The following NUGGC variants were observed in gnomAD, a reference collection of about 807,000 sequenced individuals.
The protein encoded by NUGGC is nuclear GTPase, germinal center associated.
In NUGGC, 58 loss-of-function variants were observed where a neutral mutation model predicts 92.6. The ratio of observed to expected loss-of-function variants is 0.63; its 90% confidence interval spans 0.51 to 0.78. The LOEUF is 0.78. NUGGC is among the 30% of genes least tolerant of loss of function. NUGGC has a pLI of 0.00. For synonymous variants in NUGGC, 376 were observed against 366.4 expected, an observed-to-expected ratio of 1.03 and a Z score of -0.30; for missense variants, 925 against 964.6, an observed-to-expected ratio of 0.96 and a Z score of 0.54.
In NUGGC at chr8:28,057,844, C is replaced by T. The variant is rs144224126; in HGVS notation, c.1116+414G>A. Among the ~76,000 whole-genome samples the T allele has an allele frequency of 2.7e-3, 414 of 152,244 alleles. 1 individual carries two copies. Among genetic ancestry groups the T allele is most frequent in the Non-Finnish European group, 3.6e-3 (246 of 68,016 alleles). On this transcript the variant is annotated intron_variant, in intron 9 of 18. Coordinates refer to ENST00000413272, the MANE Select transcript of NUGGC (RefSeq NM_001010906.2). ...GAGCAGGGAGTTGGCACACTAATCTCTACATTGTTCAAGAGCCAACTGTAA... is the reference window on the plus strand; with the variant it reads ...GAGCAGGGAGTTGGCACACTAATCTTTACATTGTTCAAGAGCCAACTGTAA...
At chr8:28,030,561 T>G (rs1809391946) in intron 15 of NUGGC, 143 bp from the exon 16 acceptor site, 1 of 639,378 alleles carries the variant, frequency 1.6e-6, no homozygotes, top group East Asian at 2.7e-5. Context: ...ACAACTAGGC[T>G]GTGAGCTTCT....
At chr8:28,031,669 T>C (rs1225517050) in intron 14 of NUGGC, among the ~76,000 whole-genome samples, 1 of 152,216 alleles carries the variant, frequency 6.6e-6, no homozygotes, top group African/African-American at 2.4e-5. Context: ...GAGCCATGCT[T>C]GGAACACTGC....
intron 15 of NUGGC, 25 bp from the exon 16 acceptor site, chr8:28,030,443 C>T (rs1223463707): frequency 1.6e-5 from 21 of 1,297,746 alleles, no homozygotes; most frequent in African/African-American, 1.2e-4. Flanking sequence ...CAAAAGAGGC[C>T]GTTGGTGACA....
chr8:28,023,170 C>T lies in NUGGC; in HGVS notation c.*147G>A, dbSNP rs996495935. Reference sequence around the variant, plus strand: ...GGAGGATCGCTTGAGCCTAGGAGTTCGAGGCTGCAGTGAGCTGTGATGGTG... The same window carrying T: ...GGAGGATCGCTTGAGCCTAGGAGTTTGAGGCTGCAGTGAGCTGTGATGGTG... On this transcript the variant is annotated 3_prime_UTR_variant, in exon 19 of 19. Coordinates refer to ENST00000413272, the MANE Select transcript of NUGGC (RefSeq NM_001010906.2). 4.7e-5 allele frequency: 39 copies of T among 833,482 alleles called. 1 individual carries two copies. The Admixed American group carries it at 4.8e-4, about 10-fold the overall frequency. 51.6% of individuals were successfully genotyped at this position (833,482 alleles called of 1,614,324 possible).
chr8:28,069,453 A>G lies in NUGGC; in HGVS notation c.257+91T>C, dbSNP rs1256096015. On this transcript the variant is annotated intron_variant, in intron 4 of 18. Transcript: ENST00000413272. Reference sequence around the variant, plus strand: ...CCCTCTTTTCTTAGTTTCTAATTAAATAGTCCCTTTCCTTGTTGGGGGAAA... The same window carrying G: ...CCCTCTTTTCTTAGTTTCTAATTAAGTAGTCCCTTTCCTTGTTGGGGGAAA... 6 of 674,068 alleles carry G rather than the reference A, an allele frequency of 8.9e-6. No individual in the cohort carries two copies. In the East Asian group the frequency reaches 1.5e-4, roughly 17 times the overall value. 41.8% of individuals were successfully genotyped at this position (674,068 alleles called of 1,614,324 possible).
At chr8:28,029,819 C>T (rs1039829398) in intron 16 of NUGGC, among the ~76,000 whole-genome samples, 1 of 151,986 alleles carries the variant, frequency 6.6e-6, no homozygotes, top group African/African-American at 2.4e-5. Flanking sequence ...AAACAAACAA[C>T]AACAACAAAT....
chr8:28,029,550 A>T, intron 16 of NUGGC, 148 bp from the exon 17 acceptor site: 1 of 811,232 alleles, frequency 1.2e-6, no homozygotes, highest in South Asian at 1.8e-5. Flanking sequence ...GGAGTTCAAG[A>T]CCAGCCTGCC....
chr8:28,073,065 G>A (rs1156358646), intron 2 of NUGGC, among the ~76,000 whole-genome samples: 1 of 151,232 alleles, frequency 6.6e-6, no homozygotes, highest in Non-Finnish European at 1.5e-5. Flanking sequence ...TGCAATGGCT[G>A]GGTCACGGCT....
At position 28,045,226 on chromosome 8, in the gene NUGGC, G is replaced by A. The variant is rs150557634; in HGVS notation, c.1446+301C>T. Among the ~76,000 whole-genome samples the A allele has an allele frequency of 0.013, 1,919 of 152,202 alleles. 15 individuals are homozygous for A. Among genetic ancestry groups the A allele is most frequent in the Non-Finnish European group, 0.021 (1,409 of 68,018 alleles). On this transcript the variant is annotated intron_variant, in intron 12 of 18. Coordinates refer to ENST00000413272, the MANE Select transcript of NUGGC (RefSeq NM_001010906.2). ...TTCCACTAGAAGCAAGCCAAATCACGCCTGCCATCGCTTAAACACATTCCA... is the reference window on the plus strand; with the variant it reads ...TTCCACTAGAAGCAAGCCAAATCACACCTGCCATCGCTTAAACACATTCCA...
At chr8:28,056,355 G>A (rs1443352787) in intron 9 of NUGGC, among the ~76,000 whole-genome samples, 1 of 151,766 alleles carries the variant, frequency 6.6e-6, no homozygotes, top group Non-Finnish European at 1.5e-5. Flanking sequence ...GCACGTGCCT[G>A]TAGTCCCAGC....
intron 13 of NUGGC, among the ~76,000 whole-genome samples, chr8:28,039,108 C>G (rs1809628739): frequency 2.0e-5 from 3 of 152,180 alleles, no homozygotes; most frequent in African/African-American, 7.2e-5. Context: ...CCCAGTGACC[C>G]CAGAATCACC....
intron 14 of NUGGC, 111 bp from the exon 15 acceptor site, chr8:28,031,492 A>G: frequency 9.6e-7 from 1 of 1,046,058 alleles, no homozygotes; most frequent in South Asian, 1.5e-5. Flanking sequence ...GGAAGATGAA[A>G]TCTAACAGTT....
At chr8:28,037,123 C>T (rs1008648262) in intron 13 of NUGGC, among the ~76,000 whole-genome samples, 5 of 152,202 alleles carry the variant, frequency 3.3e-5, no homozygotes, top group Non-Finnish European at 7.3e-5. Flanking sequence ...ACCCGCCACT[C>T]GCTCACCAAC....
chr8:28,050,115 G>C (rs910246904), intron 10 of NUGGC, among the ~76,000 whole-genome samples: 1 of 152,126 alleles, frequency 6.6e-6, no homozygotes, highest in Non-Finnish European at 1.5e-5. Flanking sequence ...GCCGGGCACG[G>C]TGGCTCATGC....
chr8:28,026,862 C>T, intron 18 of NUGGC, 100 bp downstream of exon 18: 1 of 815,100 alleles, frequency 1.2e-6, no homozygotes, highest in Non-Finnish European at 2.1e-6. Flanking sequence ...AACTTAAATT[C>T]CTAAAATTTA....
intron 3 of NUGGC, 40 bp downstream of exon 3, chr8:28,070,212 G>A: frequency 6.6e-7 from 1 of 1,518,152 alleles, no homozygotes; most frequent in Non-Finnish European, 8.9e-7. Flanking sequence ...ACTTGGAACA[G>A]AACCGAACCA....
intron 13 of NUGGC, among the ~76,000 whole-genome samples, chr8:28,034,306 A>G (rs1809499160): frequency 6.6e-6 from 1 of 152,260 alleles, no homozygotes; most frequent in Non-Finnish European, 1.5e-5. Context: ...TAGACCTATG[A>G]GAGACATTAA....
At chr8:28,068,493 G>T in intron 4 of NUGGC, 55 bp from the exon 5 acceptor site, 2 of 1,237,626 alleles carry the variant, frequency 1.6e-6, no homozygotes, top group Non-Finnish European at 2.3e-6. Context: ...AGAGTGAAGA[G>T]CATTGAAACA....
At chr8:28,064,435 G>T in intron 7 of NUGGC, 87 bp downstream of exon 7, 1 of 1,120,426 alleles carries the variant, frequency 8.9e-7, no homozygotes, top group Non-Finnish European at 1.3e-6. Context: ...CAAAATCCCT[G>T]AAGCTGAAAC....
Sources: gnomAD v4.1 joint callset for allele counts (sites outside exome capture counted in the v4.1 genomes callset) on GRCh38, gnomAD v4.1.1 for gene constraint, MANE v1.5 for transcripts, NCBI Gene and HGNC (gene_info 2026-07-23, HGNC 2026-07-21) for gene names.